The following ZNF804B variants were observed in gnomAD, a reference collection of about 807,000 sequenced individuals.
ZNF804B encodes the protein zinc finger 804B.
A neutral mutation model predicts 101.4 loss-of-function variants in ZNF804B; 80 were observed. The observed-to-expected ratio is 0.79, with a 90% CI of 0.66 to 0.95. ZNF804B has a LOEUF of 0.95. Ranked by LOEUF, ZNF804B falls within the 40% of genes least tolerant of loss-of-function variation. ZNF804B has a pLI of 0.00. For missense variants in ZNF804B, 1,673 were observed against 1,561.9 expected (o/e 1.07, Z -1.20); for synonymous variants, 622 against 558.8 (o/e 1.11, Z -1.59).
At chr7:88,884,903 A>G (rs1792101165) in intron 1 of ZNF804B, among the ~76,000 whole-genome samples, 1 of 151,880 alleles carries the variant, frequency 6.6e-6, no homozygotes, top group African/African-American at 2.4e-5. Context: ...TATGTTTATT[A>G]GTCTCGTCCA....
chr7:88,885,040 T>G (rs919459306), intron 1 of ZNF804B, among the ~76,000 whole-genome samples: 7 of 151,884 alleles, frequency 4.6e-5, no homozygotes, highest in African/African-American at 1.4e-4. Context: ...CATCAACCAA[T>G]GCAAAAGAGG....
chr7:88,923,447 A>T (rs1464638480), intron 1 of ZNF804B, among the ~76,000 whole-genome samples: 1 of 152,120 alleles, frequency 6.6e-6, no homozygotes, highest in Non-Finnish European at 1.5e-5. Context: ...AATGTTTGTC[A>T]TCCAATTAAA....
At chr7:88,918,218 A>G (rs139727367) in intron 1 of ZNF804B, among the ~76,000 whole-genome samples, 244 of 152,318 alleles carry the variant, frequency 1.6e-3, no homozygotes, top group Non-Finnish European at 2.7e-3. Flanking sequence ...TCATGGTTCA[A>G]TAAATACTTT....
intron 1 of ZNF804B, among the ~76,000 whole-genome samples, chr7:88,985,378 A>G (rs956711244): frequency 1.3e-5 from 2 of 152,094 alleles, no homozygotes; most frequent in African/African-American, 4.8e-5. Context: ...TTTTATTTTA[A>G]AATTCAAGGC....
chr7:89,044,473 G>A (rs780941571), intron 1 of ZNF804B, among the ~76,000 whole-genome samples: 1 of 152,194 alleles, frequency 6.6e-6, no homozygotes, highest in Non-Finnish European at 1.5e-5. Flanking sequence ...CTGGGTAACA[G>A]GCAGAGGTTG....
At chr7:89,167,126 AG>A (rs1461663003) in intron 1 of ZNF804B, among the ~76,000 whole-genome samples, 1 of 151,896 alleles carries the variant, frequency 6.6e-6, no homozygotes, top group Non-Finnish European at 1.5e-5. Flanking sequence ...TTTGTCTGCT[AG>A]TTTTTTTGAA....
chr7:88,931,064 C>T (rs1792877926), intron 1 of ZNF804B, among the ~76,000 whole-genome samples: 2 of 151,826 alleles, frequency 1.3e-5, no homozygotes, highest in Admixed American at 6.6e-5. Flanking sequence ...GTCACTGGCT[C>T]AGGGGATTTT....
intron 2 of ZNF804B, among the ~76,000 whole-genome samples, chr7:89,319,173 A>G (rs774765951): frequency 1.3e-5 from 2 of 152,120 alleles, no homozygotes; most frequent in African/African-American, 2.4e-5. Flanking sequence ...TGGACAGGCT[A>G]TAGTGCTGCA....
chr7:89,127,348 A>G (rs911567319), intron 1 of ZNF804B, among the ~76,000 whole-genome samples: 1 of 151,838 alleles, frequency 6.6e-6, no homozygotes, highest in Non-Finnish European at 1.5e-5. Context: ...ACATTGGAAG[A>G]GCACAAATCC....
intron 1 of ZNF804B, among the ~76,000 whole-genome samples, chr7:88,941,985 A>G (rs973183637): frequency 1.4e-4 from 21 of 151,946 alleles, no homozygotes; most frequent in Non-Finnish European, 2.1e-4. Context: ...TTTATAGACA[A>G]TATCTAAGGT....
chr7:88,912,695 A>G (rs922282775), intron 1 of ZNF804B, among the ~76,000 whole-genome samples: 1 of 152,116 alleles, frequency 6.6e-6, no homozygotes, highest in Non-Finnish European at 1.5e-5. Context: ...TTCTTAGTCA[A>G]ATTTTCACAT....
chr7:89,006,945 G>T (rs781328220), intron 1 of ZNF804B, among the ~76,000 whole-genome samples: 1 of 152,116 alleles, frequency 6.6e-6, no homozygotes, highest in Non-Finnish European at 1.5e-5. Context: ...TACTGCACTG[G>T]GCAGGTGGCT....
chr7:88,975,988 G>T (rs1350865519), intron 1 of ZNF804B, among the ~76,000 whole-genome samples: 7 of 151,618 alleles, frequency 4.6e-5, no homozygotes, highest in Non-Finnish European at 8.9e-5. Flanking sequence ...TTCTGCATAT[G>T]CATATCCAGT....
intron 2 of ZNF804B, among the ~76,000 whole-genome samples, chr7:89,242,947 T>C (rs927443980): frequency 4.6e-5 from 7 of 151,868 alleles, no homozygotes; most frequent in Non-Finnish European, 7.4e-5. Context: ...AAAATTTTCA[T>C]ATATGTTGGA....
At chr7:89,218,814 T>A (rs1255160443) in intron 2 of ZNF804B, among the ~76,000 whole-genome samples, 1 of 151,872 alleles carries the variant, frequency 6.6e-6, no homozygotes, top group Non-Finnish European at 1.5e-5. Context: ...GAATAGAAAA[T>A]ATTGTTACTA....
intron 2 of ZNF804B, among the ~76,000 whole-genome samples, chr7:89,286,448 T>TGTA (rs1349981296): frequency 6.6e-6 from 1 of 152,216 alleles, no homozygotes; most frequent in African/African-American, 2.4e-5. Context: ...TAATTACTAC[T>TGTA]GGAGAAAACT....
chr7:88,932,002 TA>T lies in ZNF804B; in HGVS notation c.108+171929del, dbSNP rs68095612. Among the ~76,000 whole-genome samples, 123 of 144,452 alleles carry T rather than the reference TA, an allele frequency of 8.5e-4. No individual in the cohort carries two copies. In the South Asian group the frequency reaches 0.01, roughly 12 times the overall value. 94.8% of individuals were successfully genotyped at this position (144,452 alleles called of 152,430 possible). On this transcript the variant is annotated intron_variant, in intron 1 of 3. Coordinates refer to ENST00000333190, the MANE Select transcript of ZNF804B (RefSeq NM_181646.5). ...TCTAAGTTCTTGGCAGAGGCCTCTG[TA>T]AAAAAAAAAAGACATATTAACAAGA... is the stretch of plus-strand genomic sequence containing the variant.
At chr7:89,104,909 G>A (rs1425461109) in intron 1 of ZNF804B, among the ~76,000 whole-genome samples, 1 of 152,044 alleles carries the variant, frequency 6.6e-6, no homozygotes, top group Non-Finnish European at 1.5e-5. Context: ...TGTTTGTCCT[G>A]AGTCAACGCA....
chr7:89,036,399 T>C (rs893792939), intron 1 of ZNF804B, among the ~76,000 whole-genome samples: 15 of 152,038 alleles, frequency 9.9e-5, no homozygotes, highest in African/African-American at 3.6e-4. Flanking sequence ...AATAATGTTA[T>C]TAATATTAGT....
Sources: allele counts gnomAD v4.1 joint callset (sites outside exome capture counted in the v4.1 genomes callset), GRCh38; gene constraint gnomAD v4.1.1; transcripts MANE v1.5; gene names NCBI Gene and HGNC (gene_info 2026-07-23, HGNC 2026-07-21).